BST1: variants seen among roughly 807,000 people sequenced by gnomAD.
The protein encoded by BST1 is bone marrow stromal cell antigen 1.
In BST1, 49 loss-of-function variants were observed where a neutral mutation model predicts 40.6. That is an observed-to-expected ratio of 1.21 (90% CI 0.96 to 1.53). The LOEUF (loss-of-function observed/expected upper bound fraction) is 1.53, where lower values mean the gene tolerates loss of function less well. BST1 is among the 40% of genes most tolerant of loss of function. BST1 has a pLI of 0.00. For missense variants in BST1, 423 were observed against 395.9 expected, an observed-to-expected ratio of 1.07 and a Z score of -0.58; for synonymous variants, 157 against 159.3, an observed-to-expected ratio of 0.99 and a Z score of 0.11.
At chr4:15,740,371 T>C (rs1364974053), downstream of BST1, among the ~76,000 whole-genome samples, 2 of 152,202 alleles carry the variant, frequency 1.3e-5, no homozygotes, top group African/African-American at 2.4e-5. Flanking sequence ...TTAGTAGTTA[T>C]TATCTACTTT....
chr4:15,715,669 T>G (rs769143027), intron 5 of BST1, 38 bp from the exon 6 acceptor site: 1 of 1,360,784 alleles, frequency 7.3e-7, no homozygotes, highest in South Asian at 1.3e-5. Context: ...ATGGAAAAGA[T>G]ATCATATTGC....
intron 3 of BST1, among the ~76,000 whole-genome samples, chr4:15,708,661 T>C (rs1577569480): frequency 2.0e-5 from 3 of 152,138 alleles, no homozygotes; most frequent in South Asian, 2.1e-4. Flanking sequence ...GGTGGATCAT[T>C]TGAGGTCACG....
chr4:15,715,167 T>C (rs1720436464), intron 4 of BST1, 118 bp from the exon 5 acceptor site: 1 of 916,302 alleles, frequency 1.1e-6, no homozygotes, highest in Non-Finnish European at 1.7e-6. Context: ...CCATATGAAA[T>C]GCCACATTTA....
chr4:15,703,119 G>A lies in BST1; in HGVS notation c.-26G>A, dbSNP rs1431690499. ...GAGAGAAGGGGAGTGGAGGAAGCAC[G>A]GGACTGGAGGGACCAAAGTTCCCCG... On this transcript the variant is annotated 5_prime_UTR_variant, in exon 1 of 9. Transcript: ENST00000265016. 4 of 1,556,106 alleles carry A rather than the reference G, an allele frequency of 2.6e-6. No individual in the cohort carries two copies. Among genetic ancestry groups the A allele is most frequent in the Non-Finnish European group, 1.7e-6 (2 of 1,156,890 alleles).
At chr4:15,710,508 T>C (rs1720134180) in intron 3 of BST1, among the ~76,000 whole-genome samples, 1 of 152,190 alleles carries the variant, frequency 6.6e-6, no homozygotes, top group African/African-American at 2.4e-5. Context: ...GGCCACTCTA[T>C]TGTGCATTAC....
chr4:15,728,675 CTCT>C (rs1301597759), intron 8 of BST1, among the ~76,000 whole-genome samples: 2 of 136,714 alleles, frequency 1.5e-5, no homozygotes, highest in African/African-American at 5.6e-5. Flanking sequence ...TGGAGTCTTG[CTCT>C]GTCACCCAGG....
At chr4:15,724,133 C>A (rs553686404) in intron 8 of BST1, among the ~76,000 whole-genome samples, 1 of 152,276 alleles carries the variant, frequency 6.6e-6, no homozygotes, top group Non-Finnish European at 1.5e-5. Context: ...TGTACACAAC[C>A]TGATGACAGT....
chr4:15,766,192 A>T, the BST1 span, among the ~76,000 whole-genome samples: 1 of 151,926 alleles, frequency 6.6e-6, no homozygotes, highest in South Asian at 2.1e-4. Context: ...TGTCCCAAAA[A>T]ATCAGGAAGT....
the BST1 span, among the ~76,000 whole-genome samples, chr4:15,746,393 A>T: frequency 6.6e-6 from 1 of 152,228 alleles, no homozygotes; most frequent in African/African-American, 2.4e-5. Flanking sequence ...ATTTGTAAAG[A>T]CAAGAAACAT....
At chr4:15,724,987 G>C (rs1377288901) in intron 8 of BST1, among the ~76,000 whole-genome samples, 3 of 152,152 alleles carry the variant, frequency 2.0e-5, no homozygotes, top group Non-Finnish European at 4.4e-5. Flanking sequence ...GTCTTCAACT[G>C]GGCGTGGCAG....
chr4:15,768,318 A>G, the BST1 span, among the ~76,000 whole-genome samples: 2 of 152,110 alleles, frequency 1.3e-5, no homozygotes, highest in African/African-American at 4.8e-5. Flanking sequence ...CTCACTCTAA[A>G]CTTTCCCTGT....
At chr4:15,764,846 A>G in the BST1 span, among the ~76,000 whole-genome samples, 1 of 142,040 alleles carries the variant, frequency 7.0e-6, no homozygotes, top group African/African-American at 2.6e-5. Flanking sequence ...ATGGCAAGAA[A>G]TATCTTAAGT....
the BST1 span, among the ~76,000 whole-genome samples, chr4:15,747,340 C>A: frequency 5.3e-5 from 8 of 152,180 alleles, no homozygotes; most frequent in South Asian, 2.1e-4. Context: ...TGCCTTTATG[C>A]CATTATAGTA....
rs1577575050 is a variant in BST1, at chr4:15,713,203, CATCTTTT to C, written c.534+1315_534+1321del. The stretch of plus-strand genomic sequence containing the variant: ...TAGCAGTCATTATTTTAAATATTTT[CATCTTTT>C]TTTTTTTTTTTTTTTTTGAGACGGA... On this transcript the variant is annotated intron_variant, in intron 4 of 8. Coordinates refer to ENST00000265016, the MANE Select transcript of BST1 (RefSeq NM_004334.3). 2.9e-5 allele frequency among the ~76,000 whole-genome samples: 4 copies of C among 135,778 alleles called. No homozygotes were observed. The East Asian group carries it at 9.9e-4, about 34-fold the overall frequency. The allele number at this position is 135,778 out of a possible 152,430, so 89.1% of individuals were successfully genotyped here. A position where few individuals can be genotyped will look rare whatever the true frequency, so the allele number is the denominator to read the frequency against.
chr4:15,724,464 A>G (rs34102992), intron 8 of BST1, among the ~76,000 whole-genome samples: 15,763 of 152,106 alleles, frequency 0.1, 1,617 homozygotes, highest in East Asian at 0.26. Context: ...AGGCGGGTGG[A>G]TCACCTGAGG....
chr4:15,733,919 T>C (rs4502676), downstream of BST1, among the ~76,000 whole-genome samples: 6,589 of 152,174 alleles, frequency 0.043, 321 homozygotes, highest in East Asian at 0.26. Context: ...TAGAATGGAG[T>C]ATCATTCAAC....
chr4:15,727,134 AG>A (rs2148893967), intron 8 of BST1, among the ~76,000 whole-genome samples: 1 of 152,280 alleles, frequency 6.6e-6, no homozygotes, highest in South Asian at 2.1e-4. Context: ...GAGGTTCAGA[AG>A]GATTAAGTGA....
At chr4:15,704,568 G>A in intron 1 of BST1, among the ~76,000 whole-genome samples, 1 of 151,754 alleles carries the variant, frequency 6.6e-6, no homozygotes, top group Non-Finnish European at 1.5e-5. Context: ...GGTGAGGGAT[G>A]TGTGTGTGGT....
chr4:15,736,481 G>A (rs1046241060), downstream of BST1, among the ~76,000 whole-genome samples: 4 of 152,018 alleles, frequency 2.6e-5, no homozygotes, highest in South Asian at 4.1e-4. Flanking sequence ...GTGGTGGCAC[G>A]TGCCTGTAAT....
Sources: allele counts gnomAD v4.1 joint callset (sites outside exome capture counted in the v4.1 genomes callset), GRCh38; gene constraint gnomAD v4.1.1; transcripts MANE v1.5; gene names NCBI Gene and HGNC (gene_info 2026-07-23, HGNC 2026-07-21).